Variants in SLC25A44 observed in about 807,000 individuals in gnomAD.
SLC25A44 encodes the protein solute carrier family 25, member 44.
In SLC25A44, 17 loss-of-function variants were observed where a neutral mutation model predicts 29.9. That is an observed-to-expected ratio of 0.57 (90% CI 0.39 to 0.85). The LOEUF (loss-of-function observed/expected upper bound fraction) is 0.85. SLC25A44 is among the 40% of genes least tolerant of loss of function. SLC25A44 has a pLI of 0.00. For missense variants in SLC25A44, 302 were observed against 398.4 expected (o/e 0.76, Z 2.06); for synonymous variants, 140 against 151.8 (o/e 0.92, Z 0.57).
intron 3 of SLC25A44, among the ~76,000 whole-genome samples, chr1:156,209,969 A>T (rs965384996): frequency 6.6e-6 from 1 of 151,560 alleles, no homozygotes; most frequent in Non-Finnish European, 1.5e-5. Context: ...TACTATTATC[A>T]CTGTTTTATA....
chr1:156,194,450 G>A (rs1369606038), intron 1 of SLC25A44, among the ~76,000 whole-genome samples: 6 of 152,204 alleles, frequency 3.9e-5, no homozygotes, highest in African/African-American at 1.2e-4. Context: ...GGGCATGTTC[G>A]AAGACCCAGA....
Position 156,211,326 on chromosome 1 carries a change from G to T in SLC25A44, c.*895G>T, listed in dbSNP as rs1401195691. On this transcript the variant is annotated 3_prime_UTR_variant, in exon 4 of 4. Coordinates refer to ENST00000359511, the MANE Select transcript of SLC25A44 (RefSeq NM_014655.4). Reference sequence around the variant, plus strand: ...GTTCTAAGTGGATCAGGCTGTCTTGGGTGCACTGGACTTGGAGCACTACCT... The same window carrying T: ...GTTCTAAGTGGATCAGGCTGTCTTGTGTGCACTGGACTTGGAGCACTACCT... 6.5e-6 allele frequency: 1 copy of T among 152,718 alleles called. No individual in the cohort carries two copies. The highest frequency in any genetic ancestry group is 1.5e-5 in the Non-Finnish European group (1 of 68,132). 9.5% of individuals were successfully genotyped at this position (152,718 alleles called of 1,614,324 possible).
chr1:156,207,663 T>C (rs1443254696), intron 2 of SLC25A44, among the ~76,000 whole-genome samples: 1 of 151,378 alleles, frequency 6.6e-6, no homozygotes, highest in Non-Finnish European at 1.5e-5. Context: ...AGAAAAAAAA[T>C]CAATCAAAAT....
intron 2 of SLC25A44, among the ~76,000 whole-genome samples, chr1:156,201,804 G>C (rs906422268): frequency 6.6e-6 from 1 of 151,978 alleles, no homozygotes; most frequent in African/African-American, 2.4e-5. Flanking sequence ...TGTTAAAAAA[G>C]CTTCCCAGGA....
chr1:156,207,080 GT>G (rs1656984789), intron 2 of SLC25A44, among the ~76,000 whole-genome samples: 2 of 152,096 alleles, frequency 1.3e-5, no homozygotes, highest in Non-Finnish European at 2.9e-5. Context: ...GCTCCTACCT[GT>G]AATTCCAACA....
chr1:156,208,062 G>A (rs1413465683), intron 3 of SLC25A44, 49 bp downstream of exon 3: 1 of 1,574,926 alleles, frequency 6.3e-7, no homozygotes, highest in East Asian at 2.2e-5. Context: ...GCCATTAGAA[G>A]CATGACCTTC....
intron 2 of SLC25A44, among the ~76,000 whole-genome samples, chr1:156,202,174 TTCTC>T (rs1267115167): frequency 6.6e-6 from 1 of 152,154 alleles, no homozygotes; most frequent in Non-Finnish European, 1.5e-5. Flanking sequence ...ACTCTAGAAT[TTCTC>T]TCCCAACTTT....
In SLC25A44 at chr1:156,200,390, CT is replaced by C; in HGVS notation, c.545del (p.Phe182SerfsTer79). 6.2e-7 allele frequency: 1 copy of C among 1,614,090 alleles called. No homozygotes were observed. The highest frequency in any genetic ancestry group is 8.5e-7 in the Non-Finnish European group (1 of 1,180,030). On this transcript the variant is annotated frameshift_variant, in exon 2 of 4. Transcript: ENST00000359511. LOFTEE classifies it high-confidence loss of function. ...QILQADGLRG[F>X]YRGYVASLLT... ...TCCTGCAGGCTGATGGACTTCGCGGCTTCTATCGAGGCTATGTGGCTTCACT... is the reference window on the plus strand; with the variant it reads ...TCCTGCAGGCTGATGGACTTCGCGGCTCTATCGAGGCTATGTGGCTTCACT...
intron 3 of SLC25A44, among the ~76,000 whole-genome samples, chr1:156,208,615 G>A (rs923027568): frequency 3.3e-5 from 5 of 152,216 alleles, no homozygotes; most frequent in African/African-American, 7.2e-5. Context: ...CTTTATTGGA[G>A]TCCTATTCCA....
chr1:156,206,238 ATTT>A (rs1194991541), intron 2 of SLC25A44, among the ~76,000 whole-genome samples: 4 of 135,844 alleles, frequency 2.9e-5, no homozygotes, highest in Admixed American at 7.4e-5. Flanking sequence ...TTCATTTTTA[ATTT>A]TTTTTTTTTT....
At chr1:156,204,917 T>A (rs565811161) in intron 2 of SLC25A44, among the ~76,000 whole-genome samples, 14 of 152,176 alleles carry the variant, frequency 9.2e-5, no homozygotes, top group African/African-American at 3.1e-4. Context: ...GGAGAGGTGG[T>A]TCTGGTGAGG....
At chr1:156,203,369 T>C (rs934839638) in intron 2 of SLC25A44, among the ~76,000 whole-genome samples, 2 of 152,248 alleles carry the variant, frequency 1.3e-5, no homozygotes, top group African/African-American at 4.8e-5. Context: ...TTAGTACTTG[T>C]CATAATTTGC....
At chr1:156,196,959 C>T (rs1408504523) in intron 1 of SLC25A44, 1 of 152,206 alleles carries the variant, frequency 6.6e-6, no homozygotes, top group Non-Finnish European at 1.5e-5. Flanking sequence ...AATCTTGGCT[C>T]ATATCTGCCT....
At chr1:156,208,207 G>A (rs758310516) in intron 3 of SLC25A44, among the ~76,000 whole-genome samples, 194 bp downstream of exon 3, 5 of 152,216 alleles carry the variant, frequency 3.3e-5, no homozygotes, top group South Asian at 2.1e-4. Flanking sequence ...AGTGGCTCAC[G>A]CCTGTAATCC....
chr1:156,199,119 T>C (rs1042176512), intron 1 of SLC25A44: 2 of 152,230 alleles, frequency 1.3e-5, no homozygotes, highest in Non-Finnish European at 2.9e-5. Flanking sequence ...ACTTGCCCTC[T>C]CCTCTATACT....
Position 156,200,029 on chromosome 1 carries a change from T to C in SLC25A44, c.182T>C (p.Phe61Ser), listed in dbSNP as rs1656457858. 1.2e-6 allele frequency: 2 copies of C among 1,614,006 alleles called. No individual in the cohort carries two copies. The highest frequency in any genetic ancestry group is 1.1e-5 in the South Asian group (1 of 91,080). The change falls in exon 2 of 4, where the codon TTC becomes TCC. Residue 61 changes from phenylalanine (F) to serine (S), a missense_variant. By Grantham distance (155) the Phe-to-Ser change is radical. Coordinates refer to ENST00000359511, the MANE Select transcript of SLC25A44 (RefSeq NM_014655.4). ...CTCTACCATGGGACCTTCGATGCCT[T>C]CATCAAGATCCTGCGAGCAGATGGT... is the stretch of plus-strand genomic sequence containing the variant. ...KSLYHGTFDA[F>S]IKILRADGIT...
Position 156,210,263 on chromosome 1 carries a change from C to A in SLC25A44, c.777C>A (p.Ile259=). 1 of 1,572,366 alleles carries A rather than the reference C, an allele frequency of 6.4e-7. No individual in the cohort carries two copies. The highest frequency in any genetic ancestry group is 8.6e-7 in the Non-Finnish European group (1 of 1,160,106). ...RVQVEGKNSI[I]LTFRQLMAEE... ...AGGTTGAGGGCAAGAACTCCATCAT[C>A]CTGACCTTCAGACAGCTGATGGCAG... The change falls in exon 4 of 4, where the codon ATC becomes ATA. Residue 259 remains isoleucine (I), a synonymous_variant. Transcript: ENST00000359511.
At chr1:156,203,657 GTCCC>G (rs951973975) in intron 2 of SLC25A44, among the ~76,000 whole-genome samples, 3 of 149,490 alleles carry the variant, frequency 2.0e-5, no homozygotes, top group Non-Finnish European at 4.4e-5. Flanking sequence ...AAGATGTGGA[GTCCC>G]TCCCTCCCTC....
At chr1:156,200,497 G>C in intron 2 of SLC25A44, 25 bp downstream of exon 2, 1 of 1,558,738 alleles carries the variant, frequency 6.4e-7, no homozygotes, top group Non-Finnish European at 8.7e-7. Context: ...GGACAGTGGG[G>C]GAGGAAGGTG....
Sources: gnomAD v4.1 joint callset for allele counts (sites outside exome capture counted in the v4.1 genomes callset) on GRCh38, gnomAD v4.1.1 for gene constraint, MANE v1.5 for transcripts, NCBI Gene and HGNC (gene_info 2026-07-23, HGNC 2026-07-21) for gene names.